Variants in NCMAP observed in about 807,000 individuals in gnomAD.
NCMAP encodes non-compact myelin associated protein.
Under a neutral mutation model 7.8 loss-of-function variants are expected in NCMAP, and 8 were observed. The ratio of observed to expected loss-of-function variants is 1.02; its 90% CI spans 0.60 to 1.84. The LOEUF is 1.84. NCMAP is among the 40% of genes most tolerant of loss of function. NCMAP has a pLI of 0.00. For synonymous variants in NCMAP, 41 were observed against 52.9 expected, an observed-to-expected ratio of 0.78 and a Z score of 0.98; for missense variants, 112 against 131.4, an observed-to-expected ratio of 0.85 and a Z score of 0.72.
chr1:24,575,597 C>T (rs1175992493), intron 1 of NCMAP, among the ~76,000 whole-genome samples: 3 of 152,164 alleles, frequency 2.0e-5, no homozygotes, highest in Non-Finnish European at 2.9e-5. Context: ...TTTGCAAGCT[C>T]ATCACTGTAT....
rs556363010 is a variant in NCMAP at position 24,556,765 on chromosome 1, G to A, written c.-8+596G>A. Reference sequence around the variant, plus strand: ...AGTCCTCTGGGTATCCTTGTGGGAGGAGATGGCTGTGTCAAATATGAAGGC... The same window carrying A: ...AGTCCTCTGGGTATCCTTGTGGGAGAAGATGGCTGTGTCAAATATGAAGGC... On this transcript the variant is annotated intron_variant, in intron 1 of 3. Coordinates refer to ENST00000374392, the MANE Select transcript of NCMAP (RefSeq NM_001010980.5). Among the ~76,000 whole-genome samples, 5 of 152,284 alleles carry A rather than the reference G, an allele frequency of 3.3e-5. No individual in the cohort carries two copies. In the South Asian group the frequency reaches 1.0e-3, roughly 32 times the overall value.
rs761759333 is a variant in NCMAP, at chr1:24,605,780, A to C, written c.*33A>C. ...CCTGGCGCTATCTCCACCACTGTCC[A>C]AAGAGCCTCTCCAGAGTCAAGACCC... On this transcript the variant is annotated 3_prime_UTR_variant, in exon 4 of 4. Coordinates refer to ENST00000374392, the MANE Select transcript of NCMAP (RefSeq NM_001010980.5). 6 of 1,609,820 alleles carry C rather than the reference A, an allele frequency of 3.7e-6. No individual in the cohort carries two copies. The highest frequency in any genetic ancestry group is 1.3e-5 in the African/African-American group (1 of 74,882).
At chr1:24,568,660 A>G (rs958188744) in intron 1 of NCMAP, among the ~76,000 whole-genome samples, 6 of 152,344 alleles carry the variant, frequency 3.9e-5, no homozygotes, top group Middle Eastern at 3.4e-3. Flanking sequence ...ATGAAGGCAC[A>G]GAGAGGTTAA....
intron 1 of NCMAP, among the ~76,000 whole-genome samples, chr1:24,594,509 T>A (rs1652153789): frequency 6.6e-6 from 1 of 152,168 alleles, no homozygotes. Context: ...ATTAAATCGA[T>A]AATATAGTGT....
intron 2 of NCMAP, among the ~76,000 whole-genome samples, chr1:24,600,231 G>A (rs1652430529): frequency 6.6e-6 from 1 of 152,006 alleles, no homozygotes; most frequent in Non-Finnish European, 1.5e-5. Context: ...GCTCACTGCA[G>A]CCTCAACCTC....
chr1:24,558,483 A>G, intron 1 of NCMAP, among the ~76,000 whole-genome samples: 1 of 152,104 alleles, frequency 6.6e-6, no homozygotes, highest in East Asian at 1.9e-4. Context: ...CCCCTCTCTC[A>G]CATTTTGTAC....
chr1:24,562,753 T>C (rs1651088170), intron 1 of NCMAP, among the ~76,000 whole-genome samples: 1 of 152,170 alleles, frequency 6.6e-6, no homozygotes, highest in South Asian at 2.1e-4. Context: ...ACTTCTCCAC[T>C]AATGCCCCTA....
At chr1:24,589,116 C>G (rs1365546148) in intron 1 of NCMAP, among the ~76,000 whole-genome samples, 4 of 152,142 alleles carry the variant, frequency 2.6e-5, no homozygotes, top group Non-Finnish European at 5.9e-5. Flanking sequence ...CCTGTGCCCT[C>G]CTTACAGGAC....
chr1:24,562,482 G>A (rs1556365), intron 1 of NCMAP, among the ~76,000 whole-genome samples: 62 of 152,056 alleles, frequency 4.1e-4, no homozygotes, highest in African/African-American at 1.3e-3. Context: ...GACTGTGCCC[G>A]GTTCCCCACT....
chr1:24,608,274 C>G lies in NCMAP; in HGVS notation c.*2527C>G, dbSNP rs913821725. 1 of 152,254 alleles carries G rather than the reference C, an allele frequency of 6.6e-6. No individual in the cohort carries two copies. The highest frequency in any genetic ancestry group is 2.4e-5 in the African/African-American group (1 of 41,450). The allele number at this position is 152,254 out of a possible 1,614,324, so 9.4% of individuals were successfully genotyped here. On this transcript the variant is annotated 3_prime_UTR_variant, in exon 4 of 4. Transcript: ENST00000374392. Reference sequence around the variant, plus strand: ...CTGTCTTTTTTGTGAAGTCACACTCCTCTGCTGGCCCAGCTCAAAGCAGCA... The same window carrying G: ...CTGTCTTTTTTGTGAAGTCACACTCGTCTGCTGGCCCAGCTCAAAGCAGCA...
At position 24,557,194 on chromosome 1, in the gene NCMAP, A is replaced by G. The variant is rs1410359242; in HGVS notation, c.-8+1025A>G. Reference sequence around the variant, plus strand: ...CGGTGCCCAGCATGCAGTAGGTCTCAATACATATTTGTCCAATGAATGAAT... The same window carrying G: ...CGGTGCCCAGCATGCAGTAGGTCTCGATACATATTTGTCCAATGAATGAAT... On this transcript the variant is annotated intron_variant, in intron 1 of 3. Transcript: ENST00000374392. Among the ~76,000 whole-genome samples the G allele has an allele frequency of 2.0e-5, 3 of 152,314 alleles. No homozygotes were observed. The East Asian group carries it at 5.8e-4, about 29-fold the overall frequency.
chr1:24,587,172 C>T (rs1235569544), intron 1 of NCMAP, among the ~76,000 whole-genome samples: 2 of 152,146 alleles, frequency 1.3e-5, no homozygotes, highest in Non-Finnish European at 2.9e-5. Context: ...AGTCATGTGT[C>T]CAGTTTTGGG....
chr1:24,597,655 G>GA (rs1241421057), intron 2 of NCMAP, among the ~76,000 whole-genome samples: 15 of 127,290 alleles, frequency 1.2e-4, no homozygotes, highest in South Asian at 1.1e-3. Flanking sequence ...AAGAAAGAAA[G>GA]AAAGAAAGAA....
At chr1:24,577,520 C>T (rs980445274) in intron 1 of NCMAP, among the ~76,000 whole-genome samples, 1 of 150,526 alleles carries the variant, frequency 6.6e-6, no homozygotes, top group African/African-American at 2.4e-5. Flanking sequence ...AGTGATCCTC[C>T]CACTTCGGCC....
At chr1:24,590,453 A>G (rs540059231) in intron 1 of NCMAP, among the ~76,000 whole-genome samples, 13 of 152,296 alleles carry the variant, frequency 8.5e-5, no homozygotes, top group Non-Finnish European at 1.6e-4. Flanking sequence ...TGAGGCTAGA[A>G]GGAGAAGGTT....
intron 1 of NCMAP, among the ~76,000 whole-genome samples, chr1:24,557,464 C>T (rs758077060): frequency 2.5e-4 from 38 of 151,104 alleles, no homozygotes; most frequent in Non-Finnish European, 4.6e-4. Context: ...CGTGTGTGTG[C>T]GTGTGTGTGT....
intron 1 of NCMAP, among the ~76,000 whole-genome samples, chr1:24,574,981 G>A (rs566969446): frequency 1.3e-4 from 19 of 151,966 alleles, no homozygotes; most frequent in South Asian, 2.1e-4. Flanking sequence ...GTAGAGATGC[G>A]GTTTCAACAT....
At chr1:24,577,420 T>TTTTTTTTTTTTTG (rs1557596597) in intron 1 of NCMAP, among the ~76,000 whole-genome samples, 15 of 143,848 alleles carry the variant, frequency 1.0e-4, no homozygotes, top group South Asian at 4.5e-4. Context: ...TTTTTTTTTT[T>TTTTTTTTTTTTTG]TTTTTTTTTT....
At chr1:24,557,322 A>C (rs1378806404) in intron 1 of NCMAP, among the ~76,000 whole-genome samples, 1 of 152,190 alleles carries the variant, frequency 6.6e-6, no homozygotes, top group Non-Finnish European at 1.5e-5. Context: ...AGGTGGATGG[A>C]ACAGTTATAA....
Sources: gnomAD v4.1 joint callset for allele counts (sites outside exome capture counted in the v4.1 genomes callset) on GRCh38, gnomAD v4.1.1 for gene constraint, MANE v1.5 for transcripts, NCBI Gene and HGNC (gene_info 2026-07-23, HGNC 2026-07-21) for gene names.